Variants in WDR3 observed in about 807,000 individuals in gnomAD.
WDR3 encodes WD repeat-containing protein 3.
WDR3 carries 81 observed loss-of-function variants against 123.7 expected under a neutral mutation model. The observed-to-expected ratio is 0.65, with a 90% confidence interval of 0.55 to 0.79. WDR3 has a LOEUF of 0.79. Ranked by LOEUF, WDR3 falls within the 30% of genes least tolerant of loss-of-function variation. WDR3 has a pLI of 0.00. For synonymous variants in WDR3, 390 were observed against 388.8 expected, an observed-to-expected ratio of 1.00 and a Z score of -0.04; for missense variants, 1,027 against 1,123.2, an observed-to-expected ratio of 0.91 and a Z score of 1.22.
chr1:117,955,292 T>A, intron 23 of WDR3, 23 bp from the exon 24 acceptor site: 2 of 1,601,922 alleles, frequency 1.2e-6, no homozygotes, highest in Non-Finnish European at 1.7e-6. Context: ...GTATCACTAA[T>A]GGTATTAATC....
Position 117,939,572 on chromosome 1 carries a change from G to T in WDR3, c.675G>T (p.Glu225Asp). Residue 225 changes from glutamate (E) to aspartate (D), a missense_variant and splice_region_variant, in exon 6 of 27, where the codon GAG becomes GAT. Transcript: ENST00000349139. ...TATGGGACATAGCTTATCTGCAAGA[G>T]GTAATTACTTCTTAAAATCATGGGC... ...LRVWDIAYLQ[E>D]IEDPEEPDPK... 1 of 1,612,650 alleles carries T rather than the reference G, an allele frequency of 6.2e-7. No homozygotes were observed. Among genetic ancestry groups the T allele is most frequent in the African/African-American group, 1.3e-5 (1 of 74,952 alleles).
rs964194927 is a variant in WDR3 at position 117,960,276 on chromosome 1, C to G, written c.*829C>G. On this transcript the variant is annotated 3_prime_UTR_variant, in exon 27 of 27. Transcript: ENST00000349139. ...CATATAACTTTTGATTCCCCAAAGT[C>G]TTAAGTACTAGTAGCCTGTTATTGA... 1.3e-5 allele frequency: 2 copies of G among 152,048 alleles called. No homozygotes were observed. Among genetic ancestry groups the G allele is most frequent in the African/African-American group, 4.8e-5 (2 of 41,394 alleles). 9.4% of individuals were successfully genotyped at this position (152,048 alleles called of 1,614,324 possible).
chr1:117,934,545 G>A lies in WDR3; in HGVS notation c.244G>A (p.Val82Ile), dbSNP rs753214958. 1.9e-6 allele frequency: 3 copies of A among 1,614,196 alleles called. No homozygotes were observed. The highest frequency in any genetic ancestry group is 2.2e-5 in the East Asian group (1 of 44,884). ...CTCCCCAGATGGGCTACACTTAGCTGTTGGGTATGAGGATGGGTCGATCCG... is the reference window on the plus strand; with the variant it reads ...CTCCCCAGATGGGCTACACTTAGCTATTGGGTATGAGGATGGGTCGATCCG... ...CPSPDGLHLAVGYEDGSIRIF... is the reference protein window; with the variant it reads ...CPSPDGLHLAIGYEDGSIRIF... Residue 82 changes from valine to isoleucine, a missense_variant, in exon 3 of 27, where the codon GTT becomes ATT. Coordinates refer to ENST00000349139, the MANE Select transcript of WDR3 (RefSeq NM_006784.3).
intron 22 of WDR3, 109 bp from the exon 23 acceptor site, chr1:117,954,471 C>T (rs1651869239): frequency 1.9e-6 from 2 of 1,079,428 alleles, no homozygotes; most frequent in Non-Finnish European, 1.3e-6. Context: ...TTTTTAGGGT[C>T]TCTTTTTTCC....
chr1:117,954,041 G>T lies in WDR3; in HGVS notation c.2303G>T (p.Arg768Leu). The change falls in exon 22 of 27, where the codon CGA becomes CTA. Residue 768 changes from arginine to leucine, a missense_variant. Arg to Leu is a moderately radical substitution (Grantham distance 102). Coordinates refer to ENST00000349139, the MANE Select transcript of WDR3 (RefSeq NM_006784.3). Reference sequence around the variant, plus strand: ...ATTATGGAGGCTATTGAGTTGTACCGAGAAGAAACTGCAAAAATGAAGGAA... The same window carrying T: ...ATTATGGAGGCTATTGAGTTGTACCTAGAAGAAACTGCAAAAATGAAGGAA... Reference protein sequence around the residue: ...ERIMEAIELYREETAKMKEHK... With the variant: ...ERIMEAIELYLEETAKMKEHK... The T allele has an allele frequency of 6.2e-7, 1 of 1,612,268 alleles. No homozygotes were observed. Among genetic ancestry groups the T allele is most frequent in the South Asian group, 1.1e-5 (1 of 90,950 alleles).
rs1235254790 is a variant in WDR3, at chr1:117,934,485, C to T, written c.184C>T (p.Gln62Ter). The change falls in exon 3 of 27, where the codon CAG becomes TAG. Residue 62 changes from glutamine (Q) to a stop codon, truncating the protein, a stop_gained. Coordinates refer to ENST00000349139, the MANE Select transcript of WDR3 (RefSeq NM_006784.3). LOFTEE classifies it high-confidence loss of function. ...TTTATGATTTCAGATTCTTATCCTT[C>T]AGGGGCTTAAACAAGAAGTTACTTG... ...LRKGEKILIL[Q>*]GLKQEVTCLC... 1 of 1,613,818 alleles carries T rather than the reference C, an allele frequency of 6.2e-7. No individual in the cohort carries two copies. The highest frequency in any genetic ancestry group is 1.3e-5 in the African/African-American group (1 of 74,940).
rs1418224358 is a variant in WDR3, at chr1:117,943,571, T to A, written c.1273T>A (p.Ser425Thr). The change falls in exon 11 of 27, where the codon TCA (serine) becomes ACA (threonine). Residue 425 changes from serine to threonine, a missense_variant. Transcript: ENST00000349139. ...TGATGTGCGGACTTTGTCATTCAGCTCAGACAATATTGCTGTTCTTTCAGC... is the reference window on the plus strand; with the variant it reads ...TGATGTGCGGACTTTGTCATTCAGCACAGACAATATTGCTGTTCTTTCAGC... Reference protein sequence around the residue: ...RSDVRTLSFSSDNIAVLSAAA... With the variant: ...RSDVRTLSFSTDNIAVLSAAA... 6.2e-7 allele frequency: 1 copy of A among 1,614,150 alleles called. No individual in the cohort carries two copies. The highest frequency in any genetic ancestry group is 1.7e-5 in the Admixed American group (1 of 60,024).
intron 6 of WDR3, among the ~76,000 whole-genome samples, chr1:117,940,092 A>G (rs1651089647): frequency 6.6e-6 from 1 of 152,172 alleles, no homozygotes. Flanking sequence ...TTAAGGAGAA[A>G]ATGTATCTAC....
Position 117,949,781 on chromosome 1 carries a change from T to A in WDR3, c.1555T>A (p.Ser519Thr), listed in dbSNP as rs527699867. 8.1e-5 allele frequency: 131 copies of A among 1,613,830 alleles called. No individual in the cohort carries two copies. The highest frequency in any genetic ancestry group is 1.0e-4 in the Non-Finnish European group (119 of 1,179,870). ...CTTTGTGACAGGTGGTGCAGATAAATCTGTCAAATTCTGGGATTTTGAGTT... is the reference window on the plus strand; with the variant it reads ...CTTTGTGACAGGTGGTGCAGATAAAACTGTCAAATTCTGGGATTTTGAGTT... The part of the protein sequence containing the change: ...RGFVTGGADK[S>T]VKFWDFELVK... Residue 519 changes from serine (S) to threonine (T), a missense_variant, in exon 14 of 27, where the codon TCT (serine) becomes ACT (threonine). By Grantham distance (58) the Ser-to-Thr change is moderately conservative. Coordinates refer to ENST00000349139, the MANE Select transcript of WDR3 (RefSeq NM_006784.3).
chr1:117,933,823 C>T, intron 2 of WDR3: 3 of 311,168 alleles, frequency 9.6e-6, no homozygotes, highest in Non-Finnish European at 1.9e-5. Context: ...ATGCTTATAG[C>T]TGGTTATAAA....
chr1:117,945,231 T>G (rs1041139190), intron 11 of WDR3, among the ~76,000 whole-genome samples: 3 of 152,194 alleles, frequency 2.0e-5, no homozygotes, highest in Admixed American at 6.5e-5. Context: ...CTTTTTATAG[T>G]GGAAGTTAGA....
chr1:117,950,816 T>C lies in WDR3; in HGVS notation c.1747-18T>C. 6.3e-7 allele frequency: 1 copy of C among 1,597,688 alleles called. No individual in the cohort carries two copies. The highest frequency in any genetic ancestry group is 8.5e-7 in the Non-Finnish European group (1 of 1,170,664). Reference sequence around the variant, plus strand: ...ATATTTTATAGACAGACATTAATTATGTTTTTTTGATGTTTAGTTTTTTCT... The same window carrying C: ...ATATTTTATAGACAGACATTAATTACGTTTTTTTGATGTTTAGTTTTTTCT... On this transcript the variant is annotated intron_variant, in intron 15 of 26. Coordinates refer to ENST00000349139, the MANE Select transcript of WDR3 (RefSeq NM_006784.3).
At position 117,938,464 on chromosome 1, in the gene WDR3, C is replaced by T. The variant is rs1318959479; in HGVS notation, c.501-16C>T. ...CCTAAACAGGCTATATATTTTTTTC[C>T]TGTTTCTTCTTTTAGTGGGAAAGAT... On this transcript the variant is annotated splice_polypyrimidine_tract_variant and intron_variant, in intron 4 of 26. Transcript: ENST00000349139. The T allele has an allele frequency of 5.0e-6, 8 of 1,607,086 alleles. No homozygotes were observed. Among genetic ancestry groups the T allele is most frequent in the East Asian group, 2.2e-5 (1 of 44,732 alleles).
rs1349977299 is a variant in WDR3 at position 117,940,910 on chromosome 1, T to G, written c.759T>G (p.Gly253=). Residue 253 remains glycine, a synonymous_variant, in exon 7 of 27, where the codon GGT becomes GGG. Coordinates refer to ENST00000349139, the MANE Select transcript of WDR3 (RefSeq NM_006784.3). ...AAGATACTCTTGAGGCAGAGGATGG[T>G]GCCTTTGAGACGGATGAAGCCCCTG... ...GIQDTLEAED[G]AFETDEAPED... The G allele has an allele frequency of 6.8e-6, 11 of 1,613,858 alleles. No homozygotes were observed. The East Asian group carries it at 2.5e-4, about 36-fold the overall frequency.
intron 3 of WDR3, 127 bp from the exon 4 acceptor site, chr1:117,936,642 C>T (rs1483403276): frequency 4.8e-6 from 3 of 626,052 alleles, no homozygotes; most frequent in Non-Finnish European, 8.0e-6. Flanking sequence ...GTACTTTCCC[C>T]ATGCTTTCCA....
At chr1:117,935,805 A>T (rs2101194084) in intron 3 of WDR3, among the ~76,000 whole-genome samples, 1 of 152,122 alleles carries the variant, frequency 6.6e-6, no homozygotes, top group East Asian at 1.9e-4. Context: ...AGATTGGAAT[A>T]CTTGAAACAT....
chr1:117,941,866 T>TC lies in WDR3; in HGVS notation c.989+19_989+20insC. 1 of 1,592,992 alleles carries TC rather than the reference T, an allele frequency of 6.3e-7. No individual in the cohort carries two copies. The highest frequency in any genetic ancestry group is 1.2e-5 in the South Asian group (1 of 86,808). On this transcript the variant is annotated intron_variant, in intron 9 of 26. Coordinates refer to ENST00000349139, the MANE Select transcript of WDR3 (RefSeq NM_006784.3). Reference sequence around the variant, plus strand: ...AAGCAAAGTATGTTTTCTTAATACTTACATTAATAATGAAGTATCCTGGGT... The same window carrying TC: ...AAGCAAAGTATGTTTTCTTAATACTTCACATTAATAATGAAGTATCCTGGGT...
intron 2 of WDR3, 67 bp downstream of exon 2, chr1:117,933,557 G>A: frequency 1.9e-6 from 3 of 1,585,670 alleles, no homozygotes; most frequent in Non-Finnish European, 2.6e-6. Flanking sequence ...TAGTAGAAGT[G>A]GGGGGGCTCT....
chr1:117,943,002 G>T lies in WDR3; in HGVS notation c.1098-394G>T, dbSNP rs991614454. 2.6e-5 allele frequency among the ~76,000 whole-genome samples: 4 copies of T among 151,632 alleles called. 1 individual carries two copies. The highest frequency in any genetic ancestry group is 6.9e-3 in the Middle Eastern group (2 of 290). ...GAGTCTTGCTCTGTTGCCCAGGCTG[G>T]AGTGCAGTGGCATGATCTCGGCTCA... On this transcript the variant is annotated intron_variant, in intron 10 of 26. Coordinates refer to ENST00000349139, the MANE Select transcript of WDR3 (RefSeq NM_006784.3).
Sources: allele counts gnomAD v4.1 joint callset (sites outside exome capture counted in the v4.1 genomes callset), GRCh38; gene constraint gnomAD v4.1.1; transcripts MANE v1.5; gene names NCBI Gene and HGNC (gene_info 2026-07-23, HGNC 2026-07-21).